Variants in DPYSL2 observed in about 807,000 individuals in gnomAD.
The protein encoded by DPYSL2 is dihydropyrimidinase like 2, also known as dihydropyrimidinase-related protein 2.
DPYSL2 carries 13 observed loss-of-function variants against 69.9 expected under a neutral mutation model. That is an observed-to-expected ratio of 0.19 (90% CI 0.12 to 0.30). The LOEUF (loss-of-function observed/expected upper bound fraction) is 0.30, where lower values mean the gene tolerates loss of function less well. DPYSL2 is among the 10% of genes least tolerant of loss of function. The pLI is 1.00. For missense variants in DPYSL2, 587 were observed against 918.9 expected (o/e 0.64, Z 4.67); for synonymous variants, 326 against 359.1 (o/e 0.91, Z 1.04).
chr8:26,536,210 G>C (rs1800590445), intron 1 of DPYSL2, among the ~76,000 whole-genome samples: 1 of 151,406 alleles, frequency 6.6e-6, no homozygotes, highest in South Asian at 2.1e-4. Context: ...AAAGTGCTAG[G>C]ATTACAGGTG....
chr8:26,593,873 T>C lies in DPYSL2; in HGVS notation c.628+9890T>C, dbSNP rs1367454862. Among the ~76,000 whole-genome samples the C allele has an allele frequency of 1.3e-5, 2 of 152,168 alleles. No homozygotes were observed. Among genetic ancestry groups the C allele is most frequent in the African/African-American group, 2.4e-5 (1 of 41,452 alleles). Reference sequence around the variant, plus strand: ...TGTTTATGACCTAATCACTCTCTAATGATAGGTCAGGACTGGAATCTTTCC... The same window carrying C: ...TGTTTATGACCTAATCACTCTCTAACGATAGGTCAGGACTGGAATCTTTCC... On this transcript the variant is annotated intron_variant, in intron 3 of 13. Coordinates refer to ENST00000521913, the MANE Select transcript of DPYSL2 (RefSeq NM_001197293.3). This position sits in a 1 kb window ranked among gnomAD's most constrained non-coding sequence, Gnocchi z 5.7.
rs564616750 is a variant in DPYSL2 at position 26,598,432 on chromosome 8, C to G, written c.628+14449C>G. ...ATTCAGCTCTGTTTTTTAGAGAGTT[C>G]TTTTCCCTCCTGCTCTATGAAAACG... On this transcript the variant is annotated intron_variant, in intron 3 of 13. Coordinates refer to ENST00000521913, the MANE Select transcript of DPYSL2 (RefSeq NM_001197293.3). The surrounding 1 kb of genome is among the most constrained non-coding windows in gnomAD (Gnocchi z 4.2). Among the ~76,000 whole-genome samples, 1 of 152,144 alleles carries G rather than the reference C, an allele frequency of 6.6e-6. No homozygotes were observed. The highest frequency in any genetic ancestry group is 1.5e-5 in the Non-Finnish European group (1 of 68,010).
At chr8:26,535,167 G>T (rs1482101256) in intron 1 of DPYSL2, among the ~76,000 whole-genome samples, 6 of 152,166 alleles carry the variant, frequency 3.9e-5, no homozygotes, top group Non-Finnish European at 8.8e-5. Context: ...CTTCCACATT[G>T]CAGACTTTGT....
intron 1 of DPYSL2, among the ~76,000 whole-genome samples, chr8:26,575,630 G>A (rs1040297697): frequency 6.6e-6 from 1 of 152,124 alleles, no homozygotes; most frequent in Admixed American, 6.5e-5. Context: ...TCATAGCAAT[G>A]GCTATACAAT....
intron 1 of DPYSL2, among the ~76,000 whole-genome samples, chr8:26,526,584 G>A (rs1445672588): frequency 6.6e-6 from 1 of 152,180 alleles, no homozygotes; most frequent in African/African-American, 2.4e-5. Context: ...CTAGAACCAT[G>A]GTGATAATAT....
rs1801734028 is a variant in DPYSL2 at position 26,591,851 on chromosome 8, CT to C, written c.628+7869del. 6.6e-6 allele frequency among the ~76,000 whole-genome samples: 1 copy of C among 152,184 alleles called. No individual in the cohort carries two copies. Among genetic ancestry groups the C allele is most frequent in the African/African-American group, 2.4e-5 (1 of 41,444 alleles). On this transcript the variant is annotated intron_variant, in intron 3 of 13. Coordinates refer to ENST00000521913, the MANE Select transcript of DPYSL2 (RefSeq NM_001197293.3). This position sits in a 1 kb window ranked among gnomAD's most constrained non-coding sequence, Gnocchi z 5.8. ...CAACCCATCCTGGCACTGCCTCCCCCTCTGCCCACCTCCCCTGCAAAGCTTG... is the reference window on the plus strand; with the variant it reads ...CAACCCATCCTGGCACTGCCTCCCCCCTGCCCACCTCCCCTGCAAAGCTTG...
At chr8:26,555,070 A>G (rs1029480035) in intron 1 of DPYSL2, among the ~76,000 whole-genome samples, 12 of 35,992 alleles carry the variant, frequency 3.3e-4, no homozygotes, top group African/African-American at 5.4e-4. Context: ...TTCAACATCT[A>G]TTAGTGATAG....
At chr8:26,578,269 G>A (rs764959430) in intron 1 of DPYSL2, 4 of 1,614,164 alleles carry the variant, frequency 2.5e-6, no homozygotes, top group Admixed American at 1.7e-5. Context: ...CTTATCAGGG[G>A]AAGAAAAATA....
rs1585569098 is a variant in DPYSL2, at chr8:26,643,268, T to G, written c.1127-171T>G. 6.5e-6 allele frequency: 4 copies of G among 619,198 alleles called. No homozygotes were observed. Among genetic ancestry groups the G allele is most frequent in the South Asian group, 2.8e-5 (1 of 36,184 alleles). The allele number at this position is 619,198 out of a possible 1,614,324, so 38.4% of individuals were successfully genotyped here. On this transcript the variant is annotated intron_variant, in intron 8 of 13. Coordinates refer to ENST00000521913, the MANE Select transcript of DPYSL2 (RefSeq NM_001197293.3). This position sits in a 1 kb window ranked among gnomAD's most constrained non-coding sequence, Gnocchi z 6.5. ...GGAGCTCATGACAGGCTGGCAGAGGTACTGAATTTCTCCAAGTCTCAGTTT... is the reference window on the plus strand; with the variant it reads ...GGAGCTCATGACAGGCTGGCAGAGGGACTGAATTTCTCCAAGTCTCAGTTT...
At chr8:26,528,235 A>T (rs1808512894) in intron 1 of DPYSL2, among the ~76,000 whole-genome samples, 1 of 152,132 alleles carries the variant, frequency 6.6e-6, no homozygotes, top group Non-Finnish European at 1.5e-5. Context: ...CCTTTCCAGG[A>T]GTTGTGACTT....
At chr8:26,558,097 A>T (rs534637149) in intron 1 of DPYSL2, among the ~76,000 whole-genome samples, 16 of 152,226 alleles carry the variant, frequency 1.1e-4, no homozygotes, top group African/African-American at 3.9e-4. Context: ...CTTGGTATTT[A>T]TTCAAAGGAG....
At position 26,582,011 on chromosome 8, in the gene DPYSL2, G is replaced by T; in HGVS notation, c.397G>T (p.Asp133Tyr). The change falls in exon 2 of 14, where the codon GAC (aspartate) becomes TAC (tyrosine). Residue 133 changes from aspartate to tyrosine, a missense_variant. Asp to Tyr is a radical substitution (Grantham distance 160). Coordinates refer to ENST00000521913, the MANE Select transcript of DPYSL2 (RefSeq NM_001197293.3). The surrounding 1 kb of genome is among the most constrained non-coding windows in gnomAD (Gnocchi z 4.1). ...CAAAGGAGGTAAAATTGTTAATGAT[G>T]ACCAGTCGTTCTATGCAGACATATA... ...LIKGGKIVND[D>Y]QSFYADIYME... 6.2e-7 allele frequency: 1 copy of T among 1,613,978 alleles called. No individual in the cohort carries two copies. Among genetic ancestry groups the T allele is most frequent in the South Asian group, 1.1e-5 (1 of 91,056 alleles).
intron 3 of DPYSL2, among the ~76,000 whole-genome samples, chr8:26,594,967 A>G (rs1271234563): frequency 6.6e-6 from 1 of 152,130 alleles, no homozygotes; most frequent in Non-Finnish European, 1.5e-5. Flanking sequence ...GGATCACTTG[A>G]AGGCGCCAGG....
At chr8:26,553,426 T>C (rs1585504488) in intron 1 of DPYSL2, among the ~76,000 whole-genome samples, 2 of 152,166 alleles carry the variant, frequency 1.3e-5, no homozygotes, top group South Asian at 4.1e-4. Context: ...CCCCTCTTTG[T>C]GTCCATGTGT....
At chr8:26,552,411 T>C (rs1800885773) in intron 1 of DPYSL2, among the ~76,000 whole-genome samples, 1 of 152,096 alleles carries the variant, frequency 6.6e-6, no homozygotes, top group African/African-American at 2.4e-5. Context: ...TCAATGGCAT[T>C]GAAAACAGGA....
intron 1 of DPYSL2, among the ~76,000 whole-genome samples, chr8:26,559,974 G>A (rs560876510): frequency 2.0e-5 from 3 of 152,250 alleles, no homozygotes; most frequent in East Asian, 3.9e-4. Flanking sequence ...TGGAGACCAC[G>A]TTCCCATCTC....
Position 26,612,617 on chromosome 8 carries a change from C to A in DPYSL2, c.629-11526C>A, listed in dbSNP as rs1266088605. ...CTGTAATCCCAGCACTTTGGGAGGCCGAGGCGGGTGGATCACTTGAGCTCA... is the reference window on the plus strand; with the variant it reads ...CTGTAATCCCAGCACTTTGGGAGGCAGAGGCGGGTGGATCACTTGAGCTCA... On this transcript the variant is annotated intron_variant, in intron 3 of 13. Transcript: ENST00000521913. Among the ~76,000 whole-genome samples the A allele has an allele frequency of 3.3e-5, 5 of 152,174 alleles. No homozygotes were observed. In the South Asian group the frequency reaches 1.0e-3, roughly 31 times the overall value.
chr8:26,636,418 A>G (rs1375918985), intron 8 of DPYSL2, among the ~76,000 whole-genome samples: 5 of 152,190 alleles, frequency 3.3e-5, no homozygotes, highest in African/African-American at 1.2e-4. Context: ...TATTTTCTGT[A>G]TTTTACTACT....
Position 26,555,150 on chromosome 8 carries a change from A to C in DPYSL2, c.355-26819A>C, listed in dbSNP as rs142052706. 4.4e-3 allele frequency among the ~76,000 whole-genome samples: 669 copies of C among 152,324 alleles called. 8 individuals are homozygous for C. The highest frequency in any genetic ancestry group is 0.016 in the African/African-American group (651 of 41,584). ...AAGATCTGCAAAAATGGCTAACATC[A>C]TATTTATGGTGAGAAACCATAAACT... is the stretch of plus-strand genomic sequence containing the variant. On this transcript the variant is annotated intron_variant, in intron 1 of 13. Coordinates refer to ENST00000521913, the MANE Select transcript of DPYSL2 (RefSeq NM_001197293.3).
Sources: gnomAD v4.1 joint callset for allele counts (sites outside exome capture counted in the v4.1 genomes callset) on GRCh38, gnomAD v4.1.1 for gene constraint, Gnocchi (gnomAD v3.1) non-coding constraint, MANE v1.5 for transcripts, NCBI Gene and HGNC (gene_info 2026-07-23, HGNC 2026-07-21) for gene names.